The following KCNQ2 variants were observed in gnomAD, a reference collection of about 807,000 sequenced individuals.
KCNQ2 encodes the protein potassium voltage-gated channel subfamily KQT member 2.
KCNQ2 carries 14 observed loss-of-function variants against 84.8 expected under a neutral mutation model. That is an observed-to-expected ratio of 0.17 (90% CI 0.11 to 0.26). The LOEUF (loss-of-function observed/expected upper bound fraction) is 0.26. Among genes scored for constraint, KCNQ2 ranks in the 10% least tolerant of loss-of-function variants. The pLI is 1.00. For synonymous variants in KCNQ2, 599 were observed against 554.1 expected, an observed-to-expected ratio of 1.08 and a Z score of -1.14; for missense variants, 788 against 1,254.0, an observed-to-expected ratio of 0.63 and a Z score of 5.61.
At chr20:63,436,716 T>C (rs142019487) in intron 7 of KCNQ2, among the ~76,000 whole-genome samples, 199 of 152,268 alleles carry the variant, frequency 1.3e-3, no homozygotes, top group African/African-American at 4.6e-3. Flanking sequence ...AGTGTTTTAC[T>C]GTTTTTTAGA....
At position 63,408,518 on chromosome 20, in the gene KCNQ2, C is replaced by T; in HGVS notation, c.1782G>A (p.Gly594=). The T allele has an allele frequency of 6.2e-7, 1 of 1,610,542 alleles. No individual in the cohort carries two copies. The highest frequency in any genetic ancestry group is 1.1e-5 in the South Asian group (1 of 90,656). Residue 594 remains glycine, a synonymous_variant, in exon 16 of 17, where the codon GGG becomes GGA. Transcript: ENST00000359125. The surrounding 1 kb of genome is among the most constrained non-coding windows in gnomAD (Gnocchi z 5.0). The stretch of plus-strand genomic sequence containing the variant: ...CCTTGTCCGTGATCGCTGGGCCCCG[C>T]CCCACGATCTGGTCCACTCTACCGG... ...SLQSRVDQIV[G]RGPAITDKDR...
intron 1 of KCNQ2, among the ~76,000 whole-genome samples, chr20:63,457,009 G>A (rs1049063466): frequency 3.9e-5 from 6 of 152,210 alleles, no homozygotes; most frequent in African/African-American, 1.2e-4. Context: ...TTAGGCAGCC[G>A]CCACGCTGCA....
intron 4 of KCNQ2, among the ~76,000 whole-genome samples, 169 bp downstream of exon 4, chr20:63,444,490 G>C (rs1399570770): frequency 6.6e-6 from 1 of 152,158 alleles, no homozygotes; most frequent in Admixed American, 6.5e-5. Flanking sequence ...CGAGAAGAAA[G>C]GGGAGGGAGG....
chr20:63,409,295 A>G (rs1306967037), intron 15 of KCNQ2, among the ~76,000 whole-genome samples: 2 of 152,252 alleles, frequency 1.3e-5, no homozygotes, highest in African/African-American at 4.8e-5. Context: ...TCATGTGTGC[A>G]AGAGTGTGCA....
At chr20:63,442,998 TCAC>T (rs2081261569) in intron 4 of KCNQ2, among the ~76,000 whole-genome samples, 59 of 26,896 alleles carry the variant, frequency 2.2e-3, no homozygotes, top group African/African-American at 8.6e-3. Flanking sequence ...ACCATCACCA[TCAC>T]CACCATCACC....
chr20:63,422,037 A>G (rs369189500), intron 11 of KCNQ2, among the ~76,000 whole-genome samples: 39 of 152,166 alleles, frequency 2.6e-4, no homozygotes, highest in African/African-American at 8.9e-4. Flanking sequence ...CCCTGTGTCC[A>G]CACCATCCAC....
intron 1 of KCNQ2, among the ~76,000 whole-genome samples, chr20:63,457,400 C>G (rs527951353): frequency 3.3e-4 from 50 of 152,362 alleles, no homozygotes; most frequent in Non-Finnish European, 3.7e-4. Context: ...TGGACCCTGA[C>G]AGGACACAGG....
intron 4 of KCNQ2, among the ~76,000 whole-genome samples, chr20:63,444,179 C>A (rs2081345470): frequency 6.6e-6 from 1 of 152,224 alleles, no homozygotes; most frequent in Admixed American, 6.5e-5. Flanking sequence ...AGGATGGGGT[C>A]TCGGTCACTG....
In KCNQ2 at chr20:63,408,011, G is replaced by C. The variant is rs963867400; in HGVS notation, c.1887+402C>G. ...CTCTCAGAAGCAGGCCCCAAAACAA[G>C]GGTCCTCTGCGGTGGTTCCTGAGAA... On this transcript the variant is annotated intron_variant, in intron 16 of 16. Transcript: ENST00000359125. This position sits in a 1 kb window ranked among gnomAD's most constrained non-coding sequence, Gnocchi z 5.0. 2 of 276,554 alleles carry C rather than the reference G, an allele frequency of 7.2e-6. No homozygotes were observed. Among genetic ancestry groups the C allele is most frequent in the Non-Finnish European group, 1.4e-5 (2 of 140,152 alleles). 17.1% of individuals were successfully genotyped at this position (276,554 alleles called of 1,614,324 possible).
In KCNQ2 at chr20:63,472,453, T is replaced by G; in HGVS notation, c.11A>C (p.Lys4Thr). MVQ[K>T]SRNGGVYPGP... ...GGGGTATACGCCGCCGTTGCGCGACTTCTGCACCATGGTGCCTGGCGGGAG... is the reference window on the plus strand; with the variant it reads ...GGGGTATACGCCGCCGTTGCGCGACGTCTGCACCATGGTGCCTGGCGGGAG... The change falls in exon 1 of 17, where the codon AAG (lysine) becomes ACG (threonine). Residue 4 changes from lysine (K) to threonine (T), a missense_variant. Physicochemically the swap from Lys to Thr is moderately conservative, Grantham distance 78 (BLOSUM62 -1). Coordinates refer to ENST00000359125, the MANE Select transcript of KCNQ2 (RefSeq NM_172107.4). 6.6e-7 allele frequency: 1 copy of G among 1,522,082 alleles called. No homozygotes were observed. The highest frequency in any genetic ancestry group is 8.8e-7 in the Non-Finnish European group (1 of 1,142,012). The allele number at this position is 1,522,082 out of a possible 1,614,324, so 94.3% of individuals were successfully genotyped here.
At chr20:63,436,166 C>G (rs906297884) in intron 7 of KCNQ2, among the ~76,000 whole-genome samples, 1 of 152,188 alleles carries the variant, frequency 6.6e-6, no homozygotes, top group Non-Finnish European at 1.5e-5. Flanking sequence ...AACAGAATCG[C>G]ATGCTGCAGA....
intron 1 of KCNQ2, chr20:63,448,706 C>T (rs1462156336): frequency 1.3e-5 from 2 of 152,322 alleles, no homozygotes. Context: ...GAAATATTCC[C>T]TGGATGCCCC....
chr20:63,463,055 CTGTGTGTG>C lies in KCNQ2; in HGVS notation c.296+9105_296+9112del, dbSNP rs10532345. On this transcript the variant is annotated intron_variant, in intron 1 of 16. Transcript: ENST00000359125. Reference sequence around the variant, plus strand: ...TTCAGGGTTTCCGTGGGTGTCTTTTCTGTGTGTGTGTGTGTGTGTGTGTGTGTGTGTGC... The same window carrying C: ...TTCAGGGTTTCCGTGGGTGTCTTTTCTGTGTGTGTGTGTGTGTGTGTGTGC... 8.9e-4 allele frequency among the ~76,000 whole-genome samples: 132 copies of C among 147,972 alleles called. 1 individual carries two copies. Among genetic ancestry groups the C allele is most frequent in the Middle Eastern group, 7.0e-3 (2 of 284 alleles).
chr20:63,414,246 C>T lies in KCNQ2; in HGVS notation c.1526-53G>A, dbSNP rs1161209144. The T allele has an allele frequency of 7.4e-7, 1 of 1,346,156 alleles. No individual in the cohort carries two copies. Among genetic ancestry groups the T allele is most frequent in the Non-Finnish European group, 1.1e-6 (1 of 939,576 alleles). 83.4% of individuals were successfully genotyped at this position (1,346,156 alleles called of 1,614,324 possible). ...GGCCGAGGGGGCCGGGAGACCTATTCCCGGGGTCCTGCAGGGCACACCGGC... is the reference window on the plus strand; with the variant it reads ...GGCCGAGGGGGCCGGGAGACCTATTTCCGGGGTCCTGCAGGGCACACCGGC... On this transcript the variant is annotated intron_variant, in intron 13 of 16. Transcript: ENST00000359125. The surrounding 1 kb of genome is among the most constrained non-coding windows in gnomAD (Gnocchi z 6.6).
chr20:63,415,208 T>C (rs2080252613), intron 12 of KCNQ2, 82 bp from the exon 13 acceptor site: 5 of 1,275,700 alleles, frequency 3.9e-6, no homozygotes, highest in Admixed American at 1.9e-5. Context: ...TGTCTGCTCA[T>C]GGCCGACGCC....
At chr20:63,424,068 G>A in intron 11 of KCNQ2, 109 bp downstream of exon 11, 1 of 1,242,926 alleles carries the variant, frequency 8.0e-7, no homozygotes, top group East Asian at 2.5e-5. Flanking sequence ...ACACACGGAA[G>A]CACACACAAG....
chr20:63,433,560 A>G, intron 8 of KCNQ2: 1 of 709,762 alleles, frequency 1.4e-6, no homozygotes, highest in Non-Finnish European at 2.3e-6. Context: ...CACAAAACAC[A>G]GCACGACCCA....
intron 4 of KCNQ2, among the ~76,000 whole-genome samples, chr20:63,443,367 TCATCAC>T (rs1568937450): frequency 0.029 from 580 of 20,260 alleles, 5 homozygotes; most frequent in African/African-American, 0.088. Flanking sequence ...ACCATCACCA[TCATCAC>T]CACCATCATC....
intron 12 of KCNQ2, among the ~76,000 whole-genome samples, chr20:63,418,164 G>A (rs1214995417): frequency 1.3e-5 from 2 of 152,136 alleles, no homozygotes; most frequent in African/African-American, 4.8e-5. Flanking sequence ...GCGTGGTCTC[G>A]CAGGCCCTCC....
Sources: gnomAD v4.1 joint callset for allele counts (sites outside exome capture counted in the v4.1 genomes callset) on GRCh38, gnomAD v4.1.1 for gene constraint, Gnocchi (gnomAD v3.1) non-coding constraint, MANE v1.5 for transcripts, NCBI Gene and HGNC (gene_info 2026-07-23, HGNC 2026-07-21) for gene names.